ZNF670: variants seen among roughly 807,000 people sequenced by gnomAD.
ZNF670 encodes zinc finger protein 670.
A neutral mutation model predicts 10.9 loss-of-function variants in ZNF670; 7 were observed. The observed-to-expected ratio is 0.64, with a 90% CI of 0.36 to 1.20. The LOEUF is 1.20. Among genes scored for constraint, ZNF670 ranks in the 50% most tolerant of loss-of-function variants. The probability of loss-of-function intolerance (pLI) is 0.02; values close to 1 mark genes in which losing one functional copy is unlikely to be tolerated. For missense variants in ZNF670, 446 were observed against 458.6 expected (o/e 0.97, Z 0.25); for synonymous variants, 136 against 152.7 (o/e 0.89, Z 0.81).
At chr1:247,062,558 G>T (rs1161918248) in intron 1 of ZNF670, among the ~76,000 whole-genome samples, 2 of 152,186 alleles carry the variant, frequency 1.3e-5, no homozygotes, top group Non-Finnish European at 2.9e-5. Context: ...CTGGAACACA[G>T]TTATGCTGAA....
At chr1:247,042,284 G>A (rs138654522) in intron 1 of ZNF670, among the ~76,000 whole-genome samples, 15 of 152,294 alleles carry the variant, frequency 9.8e-5, no homozygotes, top group Admixed American at 3.3e-4. Context: ...GATACCAGGC[G>A]GCAGAACCGA....
chr1:247,076,222 C>A (rs968266036), intron 1 of ZNF670, among the ~76,000 whole-genome samples: 1 of 151,940 alleles, frequency 6.6e-6, no homozygotes, highest in African/African-American at 2.4e-5. Context: ...ACCACCCTCC[C>A]AGGAGACACT....
At chr1:247,062,802 A>G (rs1333267137) in intron 1 of ZNF670, among the ~76,000 whole-genome samples, 1 of 152,082 alleles carries the variant, frequency 6.6e-6, no homozygotes, top group Non-Finnish European at 1.5e-5. Context: ...TCAGCACAGA[A>G]CCAGCTGCTC....
At chr1:247,073,383 A>G (rs1356834639) in intron 1 of ZNF670, among the ~76,000 whole-genome samples, 1 of 150,858 alleles carries the variant, frequency 6.6e-6, no homozygotes, top group Non-Finnish European at 1.5e-5. Context: ...AAGGTGGTTC[A>G]TTCCTAGGGA....
chr1:247,050,899 A>C (rs1446888673), intron 1 of ZNF670, among the ~76,000 whole-genome samples: 1 of 152,034 alleles, frequency 6.6e-6, no homozygotes, highest in Non-Finnish European at 1.5e-5. Flanking sequence ...TGCTGCCTGA[A>C]TACCTTGGTT....
chr1:247,037,625 TG>T lies in ZNF670; in HGVS notation c.993del (p.His331GlnfsTer4). 6.2e-7 allele frequency: 1 copy of T among 1,614,158 alleles called. No individual in the cohort carries two copies. Among genetic ancestry groups the T allele is most frequent in the Non-Finnish European group, 8.5e-7 (1 of 1,180,006 alleles). On this transcript the variant is annotated frameshift_variant, in exon 4 of 4. Coordinates refer to ENST00000366503, the MANE Select transcript of ZNF670 (RefSeq NM_033213.5). LOFTEE classifies it low-confidence loss of function (END_TRUNC). ...TTACATCCATAAGGTTTCACTCCAG[TG>T]TGAGTTCTTTCATGCTCACATAGGT... is the stretch of plus-strand genomic sequence containing the variant. Reference protein sequence around the residue: ...SSNLCEHERTHTGVKPYGCKE... With the variant: ...SSNLCEHERTXTGVKPYGCKE...
chr1:247,041,464 T>C (rs934189366), intron 1 of ZNF670, among the ~76,000 whole-genome samples: 1 of 151,824 alleles, frequency 6.6e-6, no homozygotes, highest in Non-Finnish European at 1.5e-5. Flanking sequence ...AATGAGAAAA[T>C]AGAAAATAGT....
Position 247,035,380 on chromosome 1 carries a change from GAACA to G in ZNF670, c.*2065_*2068del, listed in dbSNP as rs968610481. 1.6e-4 allele frequency among the ~76,000 whole-genome samples: 24 copies of G among 152,180 alleles called. No homozygotes were observed. Among genetic ancestry groups the G allele is most frequent in the African/African-American group, 5.1e-4 (21 of 41,450 alleles). On this transcript the variant is annotated 3_prime_UTR_variant, in exon 4 of 4. Transcript: ENST00000366503. ...CAAGACTTGCACTACGGAGCAGATA[GAACA>G]AACAGGGTGTAAGGGGAATGCTTTG...
Position 247,078,578 on chromosome 1 carries a change from T to G in ZNF670, c.3+16A>C. 2 of 1,613,644 alleles carry G rather than the reference T, an allele frequency of 1.2e-6. No individual in the cohort carries two copies. Among genetic ancestry groups the G allele is most frequent in the Non-Finnish European group, 8.5e-7 (1 of 1,179,804 alleles). ...TCCCTTTTCCCCTTCCCGAGACACC[T>G]GGCCGGCACACTCACCATTTCCCAG... On this transcript the variant is annotated intron_variant, in intron 1 of 3. Coordinates refer to ENST00000366503, the MANE Select transcript of ZNF670 (RefSeq NM_033213.5).
At position 247,037,177 on chromosome 1, in the gene ZNF670, G is replaced by T. The variant is rs1469744464; in HGVS notation, c.*272C>A. Reference sequence around the variant, plus strand: ...AAGTATAGACACCTTCTTTAACAATGAACCACTGATAAAAATATATTTGAA... The same window carrying T: ...AAGTATAGACACCTTCTTTAACAATTAACCACTGATAAAAATATATTTGAA... On this transcript the variant is annotated 3_prime_UTR_variant, in exon 4 of 4. Coordinates refer to ENST00000366503, the MANE Select transcript of ZNF670 (RefSeq NM_033213.5). 2.0e-5 allele frequency: 7 copies of T among 345,756 alleles called. No homozygotes were observed. In the East Asian group the frequency reaches 3.6e-4, roughly 18 times the overall value. 21.4% of individuals were successfully genotyped at this position (345,756 alleles called of 1,614,324 possible).
chr1:247,060,524 G>C (rs1670833681), intron 1 of ZNF670, among the ~76,000 whole-genome samples: 1 of 152,210 alleles, frequency 6.6e-6, no homozygotes, highest in African/African-American at 2.4e-5. Flanking sequence ...TGACACAGGA[G>C]AAACTGAGGG....
At chr1:247,076,402 G>A (rs144923271) in intron 1 of ZNF670, among the ~76,000 whole-genome samples, 4,290 of 147,672 alleles carry the variant, frequency 0.029, 75 homozygotes, top group Non-Finnish European at 0.041. Flanking sequence ...GACTACAGGC[G>A]CCCGCCACCA....
At position 247,070,160 on chromosome 1, in the gene ZNF670, A is replaced by G. The variant is rs77783771; in HGVS notation, c.3+8434T>C. 6.6e-3 allele frequency among the ~76,000 whole-genome samples: 1,011 copies of G among 152,034 alleles called. 15 individuals carry two copies. The highest frequency in any genetic ancestry group is 0.023 in the African/African-American group (936 of 41,470). On this transcript the variant is annotated intron_variant, in intron 1 of 3. Coordinates refer to ENST00000366503, the MANE Select transcript of ZNF670 (RefSeq NM_033213.5). ...AAAAATTAAAAATAAAAAAATTAAG[A>G]AAAAAAACATCGATTAAAGACTTAA...
At chr1:247,038,481 T>A (rs1670221728) in intron 3 of ZNF670, 54 bp from the exon 4 acceptor site, 2 of 1,501,062 alleles carry the variant, frequency 1.3e-6, no homozygotes, top group Non-Finnish European at 1.8e-6. Flanking sequence ...TTTACATTGC[T>A]ACTAATACCA....
chr1:247,066,727 C>T lies in ZNF670; in HGVS notation c.3+11867G>A, dbSNP rs554361567. 6.4e-4 allele frequency among the ~76,000 whole-genome samples: 98 copies of T among 152,246 alleles called. 1 individual carries two copies. In the South Asian group the frequency reaches 0.013, roughly 21 times the overall value. ...CCTCACTTTTGGAATTCGGGAAAAG[C>T]CAACCAGCATTAACATCAACACAGA... On this transcript the variant is annotated intron_variant, in intron 1 of 3. Transcript: ENST00000366503.
rs1222856493 is a variant in ZNF670, at chr1:247,038,882, A to G, written c.131-12T>C. On this transcript the variant is annotated splice_polypyrimidine_tract_variant and intron_variant, in intron 2 of 3. Coordinates refer to ENST00000366503, the MANE Select transcript of ZNF670 (RefSeq NM_033213.5). ...TTCTGATTTGTTTCCTAAAAGGTACAACCATAAGATTATTCAAATGATTAG... is the reference window on the plus strand; with the variant it reads ...TTCTGATTTGTTTCCTAAAAGGTACGACCATAAGATTATTCAAATGATTAG... 3.1e-6 allele frequency: 5 copies of G among 1,604,188 alleles called. No homozygotes were observed. In the East Asian group the frequency reaches 8.9e-5, roughly 29 times the overall value.
intron 1 of ZNF670, among the ~76,000 whole-genome samples, chr1:247,051,976 C>T (rs530060286): frequency 9.2e-4 from 136 of 147,732 alleles, no homozygotes; most frequent in African/African-American, 3.1e-3. Context: ...GAGATTTTTT[C>T]GTCCATGTCC....
At chr1:247,067,435 C>CA (rs61363241) in intron 1 of ZNF670, among the ~76,000 whole-genome samples, 28,429 of 76,862 alleles carry the variant, frequency 0.37, 4,919 homozygotes, top group African/African-American at 0.44. Context: ...GATCCCGTCT[C>CA]AAAAAAAAAA....
At chr1:247,052,054 T>C (rs1453334943) in intron 1 of ZNF670, among the ~76,000 whole-genome samples, 1 of 151,674 alleles carries the variant, frequency 6.6e-6, no homozygotes, top group Non-Finnish European at 1.5e-5. Flanking sequence ...CCTCCACGAG[T>C]AGCTTAATAA....
Sources: gnomAD v4.1 joint callset for allele counts (sites outside exome capture counted in the v4.1 genomes callset) on GRCh38, gnomAD v4.1.1 for gene constraint, MANE v1.5 for transcripts, NCBI Gene and HGNC (gene_info 2026-07-23, HGNC 2026-07-21) for gene names.